Variants in DAZAP1 observed in about 807,000 individuals in gnomAD.
DAZAP1 encodes the protein DAZ associated protein 1, also known as DAZ-associated protein 1.
A neutral mutation model predicts 60.1 loss-of-function variants in DAZAP1; 6 were observed. The ratio of observed to expected loss-of-function variants is 0.10; its 90% CI spans 0.05 to 0.20. DAZAP1 has a LOEUF of 0.20. Among genes scored for constraint, DAZAP1 ranks in the 10% least tolerant of loss-of-function variants. The probability of loss-of-function intolerance (pLI) is 1.00; values close to 1 mark genes in which losing one functional copy is unlikely to be tolerated. For missense variants in DAZAP1, 366 were observed against 560.4 expected (o/e 0.65, Z 3.50); for synonymous variants, 235 against 215.9 (o/e 1.09, Z -0.78).
intron 10 of DAZAP1, among the ~76,000 whole-genome samples, chr19:1,431,424 C>T (rs546414109): frequency 4.6e-5 from 7 of 152,036 alleles, no homozygotes; most frequent in African/African-American, 1.7e-4. Flanking sequence ...CCACCGCGCC[C>T]GGACTATTTT....
intron 8 of DAZAP1, 58 bp downstream of exon 8, chr19:1,429,053 C>T (rs990832203): frequency 1.9e-5 from 29 of 1,500,086 alleles, no homozygotes; most frequent in Middle Eastern, 2.5e-4. Context: ...TTGGCCCGCG[C>T]GCCCTGGGCT....
rs916623032 is a variant in DAZAP1, at chr19:1,423,750, T to C, written c.463+1354T>C. Among the ~76,000 whole-genome samples the C allele has an allele frequency of 6.6e-6, 1 of 152,264 alleles. No homozygotes were observed. The highest frequency in any genetic ancestry group is 1.5e-5 in the Non-Finnish European group (1 of 68,044). On this transcript the variant is annotated intron_variant, in intron 6 of 11. Coordinates refer to ENST00000233078, the MANE Select transcript of DAZAP1 (RefSeq NM_018959.4). The surrounding 1 kb of genome is among the most constrained non-coding windows in gnomAD (Gnocchi z 6.8). ...ATACTGCCTCTGATCTTGGGAAACT[T>C]GAGCGCGCGGGAATCTGAGGGTTGC...
In DAZAP1 at chr19:1,407,814, C is replaced by G; in HGVS notation, c.29+12C>G. ...GCCGACGAGATCGGGTGAGGACGAGCGGCGCGGGCCTGCGTCTCCGCCCCG... is the reference window on the plus strand; with the variant it reads ...GCCGACGAGATCGGGTGAGGACGAGGGGCGCGGGCCTGCGTCTCCGCCCCG... On this transcript the variant is annotated intron_variant, in intron 1 of 11. Transcript: ENST00000233078. The G allele has an allele frequency of 9.3e-7, 1 of 1,070,162 alleles. No homozygotes were observed. The highest frequency in any genetic ancestry group is 1.1e-6 in the Non-Finnish European group (1 of 884,704). The allele number at this position is 1,070,162 out of a possible 1,614,324, so 66.3% of individuals were successfully genotyped here.
At position 1,425,940 on chromosome 19, in the gene DAZAP1, CACG is replaced by C; in HGVS notation, c.529_531del (p.Asp177del). On this transcript the variant is annotated inframe_deletion, in exon 7 of 12. Transcript: ENST00000233078. This position sits in a 1 kb window ranked among gnomAD's most constrained non-coding sequence, Gnocchi z 5.4. The stretch of plus-strand genomic sequence containing the variant: ...GGACCAGGCTGTCAACATGCATTTT[CACG>C]ACATCATGGGCAAAAAAGTGTGTAG... The C allele has an allele frequency of 6.2e-7, 1 of 1,613,158 alleles. No homozygotes were observed. The highest frequency in any genetic ancestry group is 1.3e-5 in the African/African-American group (1 of 75,028).
At position 1,418,552 on chromosome 19, in the gene DAZAP1, C is replaced by T. The variant is rs1032446626; in HGVS notation, c.238-114C>T. On this transcript the variant is annotated intron_variant, in intron 3 of 11. Transcript: ENST00000233078. This position sits in a 1 kb window ranked among gnomAD's most constrained non-coding sequence, Gnocchi z 5.7. ...GCAGGAGGATACAGGGTGAATGGAG[C>T]CGGCGGGGCGGGGCGGGCCGGGCTG... 1.5e-5 allele frequency: 22 copies of T among 1,476,658 alleles called. No homozygotes were observed. The highest frequency in any genetic ancestry group is 1.7e-5 in the Non-Finnish European group (18 of 1,059,012). The allele number at this position is 1,476,658 out of a possible 1,614,324, so 91.5% of individuals were successfully genotyped here. A position where few individuals can be genotyped will look rare whatever the true frequency, so the allele number is the denominator to read the frequency against.
chr19:1,421,919 C>T (rs1267559463), intron 5 of DAZAP1, among the ~76,000 whole-genome samples: 1 of 152,092 alleles, frequency 6.6e-6, no homozygotes, highest in East Asian at 1.9e-4. Flanking sequence ...TGCAGAGGAG[C>T]TGTGTGTGGC....
chr19:1,417,826 G>C (rs576510000), intron 2 of DAZAP1, among the ~76,000 whole-genome samples: 31 of 152,312 alleles, frequency 2.0e-4, no homozygotes, highest in African/African-American at 7.5e-4. Flanking sequence ...GCAGAGGGCT[G>C]GGGGCTGGCC....
At chr19:1,419,465 C>T (rs1212720944) in intron 4 of DAZAP1, among the ~76,000 whole-genome samples, 7 of 152,172 alleles carry the variant, frequency 4.6e-5, no homozygotes, top group Non-Finnish European at 5.9e-5. Context: ...TCCTAAGGAC[C>T]GGAGGGTGCG....
intron 9 of DAZAP1, 72 bp from the exon 10 acceptor site, chr19:1,430,150 C>A: frequency 6.6e-7 from 1 of 1,525,958 alleles, no homozygotes; most frequent in Non-Finnish European, 9.0e-7. Flanking sequence ...CCCTGGCAGG[C>A]CTGGGTCTAA....
Position 1,421,193 on chromosome 19 carries a change from G to C in DAZAP1, c.349G>C (p.Val117Leu), listed in dbSNP as rs1224384342. 1 of 1,614,220 alleles carries C rather than the reference G, an allele frequency of 6.2e-7. No individual in the cohort carries two copies. The highest frequency in any genetic ancestry group is 8.5e-7 in the Non-Finnish European group (1 of 1,180,030). ...SDNSKSNKIF[V>L]GGIPHNCGET... ...TAACAGTAAATCAAATAAGATATTT[G>C]TCGGTGGAATTCCTCACAATTGTGG... The change falls in exon 5 of 12, where the codon GTC (valine) becomes CTC (leucine). Residue 117 changes from valine (V) to leucine (L), a missense_variant. Around this residue, in one of 3 missense-constraint regions of DAZAP1, gnomAD observed 98 missense variants for 155.3 expected, o/e 0.63. Coordinates refer to ENST00000233078, the MANE Select transcript of DAZAP1 (RefSeq NM_018959.4).
At chr19:1,427,628 A>T (rs530783140) in intron 7 of DAZAP1, 56 of 152,336 alleles carry the variant, frequency 3.7e-4, no homozygotes, top group African/African-American at 1.3e-3. Context: ...TCTGCTTTGT[A>T]AGCAGGAACC....
intron 9 of DAZAP1, 42 bp from the exon 10 acceptor site, chr19:1,430,180 T>C: frequency 1.3e-6 from 2 of 1,579,128 alleles, no homozygotes; most frequent in East Asian, 2.2e-5. Context: ...GTCTGTGTTG[T>C]CCAGCGCTCT....
intron 2 of DAZAP1, among the ~76,000 whole-genome samples, 187 bp downstream of exon 2, chr19:1,417,727 A>G (rs567495481): frequency 6.6e-6 from 1 of 152,270 alleles, no homozygotes; most frequent in East Asian, 1.9e-4. Flanking sequence ...TGGTATTTCC[A>G]TCCCAAGTTA....
Position 1,423,601 on chromosome 19 carries a change from C to T in DAZAP1, c.463+1205C>T, listed in dbSNP as rs1319560430. Among the ~76,000 whole-genome samples, 1 of 152,254 alleles carries T rather than the reference C, an allele frequency of 6.6e-6. No individual in the cohort carries two copies. Among genetic ancestry groups the T allele is most frequent in the Non-Finnish European group, 1.5e-5 (1 of 68,040 alleles). On this transcript the variant is annotated intron_variant, in intron 6 of 11. Coordinates refer to ENST00000233078, the MANE Select transcript of DAZAP1 (RefSeq NM_018959.4). This position sits in a 1 kb window ranked among gnomAD's most constrained non-coding sequence, Gnocchi z 6.8. ...CCTAGACAGCGCTCAGGGCGCCTCC[C>T]CCAGGACCCAGCGCCTCTTGCACTG...
rs568026920 is a variant in DAZAP1, at chr19:1,408,210, C to A, written c.29+408C>A. Among the ~76,000 whole-genome samples the A allele has an allele frequency of 6.7e-3, 1,013 of 152,280 alleles. 5 individuals carry two copies. The highest frequency in any genetic ancestry group is 0.01 in the Non-Finnish European group (680 of 67,992). On this transcript the variant is annotated intron_variant, in intron 1 of 11. Coordinates refer to ENST00000233078, the MANE Select transcript of DAZAP1 (RefSeq NM_018959.4). ...GGAGCCAGAGGGGTTCAGGGGCCCC[C>A]GCCGCCGCTTCCTGGTTGTGGCGGC...
Position 1,418,878 on chromosome 19 carries a change from C to T in DAZAP1, c.303+147C>T. On this transcript the variant is annotated intron_variant, in intron 4 of 11. Coordinates refer to ENST00000233078, the MANE Select transcript of DAZAP1 (RefSeq NM_018959.4). This position sits in a 1 kb window ranked among gnomAD's most constrained non-coding sequence, Gnocchi z 5.7. ...GGCACTCGAGCAGCTGAGGATCACC[C>T]AGATTTATCAGTGCCGTGAGTGTTT... is the stretch of plus-strand genomic sequence containing the variant. 1.4e-6 allele frequency: 1 copy of T among 736,966 alleles called. No homozygotes were observed. The highest frequency in any genetic ancestry group is 2.2e-6 in the Non-Finnish European group (1 of 451,492). The allele number at this position is 736,966 out of a possible 1,614,324, so 45.7% of individuals were successfully genotyped here.
At position 1,433,338 on chromosome 19, in the gene DAZAP1, C is replaced by A. The variant is rs2083503839; in HGVS notation, c.1048+648C>A. ...TTGCTCAGGACCAACGCGGTGGCCTCAGTGGGCAGGGCTCCAACTACGGTC... is the reference window on the plus strand; with the variant it reads ...TTGCTCAGGACCAACGCGGTGGCCTAAGTGGGCAGGGCTCCAACTACGGTC... On this transcript the variant is annotated intron_variant, in intron 11 of 11. Coordinates refer to ENST00000233078, the MANE Select transcript of DAZAP1 (RefSeq NM_018959.4). The surrounding 1 kb of genome is among the most constrained non-coding windows in gnomAD (Gnocchi z 6.1). 1 of 255,076 alleles carries A rather than the reference C, an allele frequency of 3.9e-6. No homozygotes were observed. The highest frequency in any genetic ancestry group is 2.3e-5 in the African/African-American group (1 of 44,168). 15.8% of individuals were successfully genotyped at this position (255,076 alleles called of 1,614,324 possible).
At chr19:1,424,184 G>T (rs1476516307) in intron 6 of DAZAP1, among the ~76,000 whole-genome samples, 1 of 151,974 alleles carries the variant, frequency 6.6e-6, no homozygotes, top group African/African-American at 2.4e-5. Flanking sequence ...GCGGGTCCCT[G>T]CTTGGCCCTC....
In DAZAP1 at chr19:1,434,834, G is replaced by A; in HGVS notation, c.1146G>A (p.Gly382=). ...GGGGTCCCTCCGTGCCAGGGTCGGGGGGCCCCCCCGCCGGCGGCAGCGGCT... is the reference window on the plus strand; with the variant it reads ...GGGGTCCCTCCGTGCCAGGGTCGGGAGGCCCCCCCGCCGGCGGCAGCGGCT... ...SYGGPSVPGS[G]GPPAGGSGFG... Residue 382 remains glycine, a synonymous_variant, in exon 12 of 12, where the codon GGG becomes GGA. Coordinates refer to ENST00000233078, the MANE Select transcript of DAZAP1 (RefSeq NM_018959.4). This position sits in a 1 kb window ranked among gnomAD's most constrained non-coding sequence, Gnocchi z 8.0. The A allele has an allele frequency of 6.2e-7, 1 of 1,605,772 alleles. No homozygotes were observed. The highest frequency in any genetic ancestry group is 2.2e-5 in the East Asian group (1 of 44,534).
Sources: allele counts gnomAD v4.1 joint callset (sites outside exome capture counted in the v4.1 genomes callset), GRCh38; gene constraint gnomAD v4.1.1; regional missense constraint gnomAD v4.1.1; non-coding constraint Gnocchi (gnomAD v3.1); transcripts MANE v1.5; gene names NCBI Gene and HGNC (gene_info 2026-07-23, HGNC 2026-07-21).